MSI1: variants seen among roughly 807,000 people sequenced by gnomAD.
MSI1 encodes the protein musashi RNA binding protein 1.
A neutral mutation model predicts 54.4 loss-of-function variants in MSI1; 15 were observed. The ratio of observed to expected loss-of-function variants is 0.28; its 90% CI spans 0.18 to 0.42. The LOEUF is 0.42. MSI1 is among the 20% of genes least tolerant of loss of function. MSI1 has a pLI of 1.00. For synonymous variants in MSI1, 200 were observed against 196.5 expected, an observed-to-expected ratio of 1.02 and a Z score of -0.15; for missense variants, 304 against 506.0, an observed-to-expected ratio of 0.60 and a Z score of 3.83.
chr12:120,358,143 A>C (rs1161408623), intron 7 of MSI1, among the ~76,000 whole-genome samples: 1 of 152,260 alleles, frequency 6.6e-6, no homozygotes, highest in African/African-American at 2.4e-5. Flanking sequence ...ACAGCAAGTT[A>C]GAAAGTGGTA....
At chr12:120,353,258 A>G in intron 10 of MSI1, 41 bp downstream of exon 10, 1 of 1,582,506 alleles carries the variant, frequency 6.3e-7, no homozygotes, top group Non-Finnish European at 8.7e-7. Flanking sequence ...CCCGGGAACC[A>G]GGGGCATGCT....
intron 11 of MSI1, among the ~76,000 whole-genome samples, chr12:120,349,041 A>G (rs1429905404): frequency 6.6e-6 from 1 of 151,276 alleles, no homozygotes; most frequent in Admixed American, 6.6e-5. Flanking sequence ...ACCCAGCCCA[A>G]AAATATCTTA....
rs1468724319 is a variant in MSI1, at chr12:120,345,643, A to G, written c.1048-11T>C. Reference sequence around the variant, plus strand: ...GGCAATCAAAGGGCCCTGAAAAGGAAAGAATTTGACTCCTAGATTCCTGGG... The same window carrying G: ...GGCAATCAAAGGGCCCTGAAAAGGAGAGAATTTGACTCCTAGATTCCTGGG... On this transcript the variant is annotated splice_polypyrimidine_tract_variant and intron_variant, in intron 13 of 14. Transcript: ENST00000257552. 6.2e-7 allele frequency: 1 copy of G among 1,613,972 alleles called. No homozygotes were observed. Among genetic ancestry groups the G allele is most frequent in the Admixed American group, 1.7e-5 (1 of 59,992 alleles).
intron 11 of MSI1, among the ~76,000 whole-genome samples, chr12:120,350,152 G>T (rs1874472779): frequency 6.6e-6 from 1 of 152,074 alleles, no homozygotes; most frequent in Non-Finnish European, 1.5e-5. Flanking sequence ...CTCCCAAGTA[G>T]CTGGGACTAC....
At position 120,368,380 on chromosome 12, in the gene MSI1, A is replaced by T. The variant is rs1876159817; in HGVS notation, c.101-107T>A. The T allele has an allele frequency of 1.7e-6, 2 of 1,207,794 alleles. No individual in the cohort carries two copies. Among genetic ancestry groups the T allele is most frequent in the South Asian group, 3.0e-5 (2 of 65,896 alleles). The allele number at this position is 1,207,794 out of a possible 1,614,324, so 74.8% of individuals were successfully genotyped here. ...GAGCGGCCCGGCCGCCCCCGCGCCA[A>T]GCTGCCCGCGCGTTCTCCACTGCCG... On this transcript the variant is annotated intron_variant, in intron 2 of 14. Transcript: ENST00000257552. This position sits in a 1 kb window ranked among gnomAD's most constrained non-coding sequence, Gnocchi z 6.6.
intron 10 of MSI1, among the ~76,000 whole-genome samples, chr12:120,352,576 A>G (rs1048568099): frequency 1.3e-5 from 2 of 151,820 alleles, no homozygotes; most frequent in African/African-American, 2.4e-5. Context: ...GATTATTGAG[A>G]GAATTAGGCA....
chr12:120,352,444 G>A (rs1420274302), intron 10 of MSI1, among the ~76,000 whole-genome samples: 8 of 152,030 alleles, frequency 5.3e-5, no homozygotes, highest in African/African-American at 1.7e-4. Context: ...GGTAGAATAG[G>A]TCAGGCTTGG....
At chr12:120,343,767 A>T (rs1045805312) in intron 14 of MSI1, among the ~76,000 whole-genome samples, 2 of 152,180 alleles carry the variant, frequency 1.3e-5, no homozygotes, top group African/African-American at 4.8e-5. Context: ...TGAATGGGTG[A>T]ATGAACAGAA....
At position 120,369,100 on chromosome 12, in the gene MSI1, G is replaced by C. The variant is rs1353182829; in HGVS notation, c.-9C>G. ...GGCGCGTCAGTCTCCATCGGGAGCCGCGGGCGGCGCGGGCAGCGGAGCGGC... is the reference window on the plus strand; with the variant it reads ...GGCGCGTCAGTCTCCATCGGGAGCCCCGGGCGGCGCGGGCAGCGGAGCGGC... On this transcript the variant is annotated 5_prime_UTR_variant, in exon 1 of 15. Transcript: ENST00000257552. The C allele has an allele frequency of 2.0e-6, 2 of 1,010,904 alleles. No individual in the cohort carries two copies. The highest frequency in any genetic ancestry group is 2.3e-6 in the Non-Finnish European group (2 of 851,430). The allele number at this position is 1,010,904 out of a possible 1,614,324, so 62.6% of individuals were successfully genotyped here.
chr12:120,368,157 G>A lies in MSI1; in HGVS notation c.182+35C>T, dbSNP rs757129851. 1.3e-6 allele frequency: 2 copies of A among 1,580,524 alleles called. No homozygotes were observed. Among genetic ancestry groups the A allele is most frequent in the Non-Finnish European group, 1.7e-6 (2 of 1,162,616 alleles). ...CAGTGAGTGGCGGGTGGAGGGGGGC[G>A]AGCCGGGAGCAGGAGGAGGGGGTGA... On this transcript the variant is annotated intron_variant, in intron 3 of 14. Coordinates refer to ENST00000257552, the MANE Select transcript of MSI1 (RefSeq NM_002442.4). The surrounding 1 kb of genome is among the most constrained non-coding windows in gnomAD (Gnocchi z 6.6).
At chr12:120,351,631 C>T (rs1306750427) in intron 10 of MSI1, among the ~76,000 whole-genome samples, 4 of 151,678 alleles carry the variant, frequency 2.6e-5, no homozygotes, top group African/African-American at 4.8e-5. Flanking sequence ...ACCCTGGGCA[C>T]GGGGCAGGGC....
chr12:120,340,953 T>C (rs1873647242), downstream of MSI1, among the ~76,000 whole-genome samples: 1 of 147,018 alleles, frequency 6.8e-6, no homozygotes, highest in Admixed American at 7.0e-5. Flanking sequence ...TGGCATGATC[T>C]CAGCTCACCG....
rs898017332 is a variant in MSI1 at position 120,341,396 on chromosome 12, T to C, written c.*1731A>G. 1.3e-5 allele frequency: 2 copies of C among 151,796 alleles called. No homozygotes were observed. The highest frequency in any genetic ancestry group is 6.6e-5 in the Admixed American group (1 of 15,162). 9.4% of individuals were successfully genotyped at this position (151,796 alleles called of 1,614,324 possible). On this transcript the variant is annotated 3_prime_UTR_variant, in exon 15 of 15. Transcript: ENST00000257552. Reference sequence around the variant, plus strand: ...AAAACCTGGAAAAAGAAGTTACAGATGTGGAGAGAAGAGACACCGGAGGAT... The same window carrying C: ...AAAACCTGGAAAAAGAAGTTACAGACGTGGAGAGAAGAGACACCGGAGGAT...
rs982000106 is a variant in MSI1, at chr12:120,364,850, A to G, written c.268-95T>C. ...CAGCCCTCAGGACCTCTCTCCTCCC[A>G]GGACACAAAGGTGACAGAAATCACA... On this transcript the variant is annotated intron_variant, in intron 4 of 14. Coordinates refer to ENST00000257552, the MANE Select transcript of MSI1 (RefSeq NM_002442.4). The G allele has an allele frequency of 8.4e-5, 88 of 1,042,332 alleles. No homozygotes were observed. In the African/African-American group the frequency reaches 1.4e-3, roughly 16 times the overall value. 64.6% of individuals were successfully genotyped at this position (1,042,332 alleles called of 1,614,324 possible).
intron 10 of MSI1, among the ~76,000 whole-genome samples, chr12:120,352,269 A>C (rs995647676): frequency 6.6e-6 from 1 of 152,114 alleles, no homozygotes; most frequent in East Asian, 1.9e-4. Flanking sequence ...AGGCTCTTAA[A>C]GTGCTGGGAT....
Position 120,356,942 on chromosome 12 carries a change from G to A in MSI1, c.612C>T (p.Pro204=). 1 of 1,614,216 alleles carries A rather than the reference G, an allele frequency of 6.2e-7. No homozygotes were observed. The highest frequency in any genetic ancestry group is 8.5e-7 in the Non-Finnish European group (1 of 1,180,044). The change falls in exon 9 of 15, where the codon CCC becomes CCT. Residue 204 remains proline, a synonymous_variant. Coordinates refer to ENST00000257552, the MANE Select transcript of MSI1 (RefSeq NM_002442.4). ...GSARGRSRVM[P]YGMDAFMLGI... is the part of the protein sequence containing the mutation. Reference sequence around the variant, plus strand: ...CCAGCATGAAGGCGTCCATTCCGTAGGGCATGACTCGAGACCTCCCCCGGG... The same window carrying A: ...CCAGCATGAAGGCGTCCATTCCGTAAGGCATGACTCGAGACCTCCCCCGGG...
rs1309529394 is a variant in MSI1, at chr12:120,369,019, G to C, written c.59+14C>G. 8.1e-5 allele frequency: 85 copies of C among 1,055,644 alleles called. No homozygotes were observed. Among genetic ancestry groups the C allele is most frequent in the Non-Finnish European group, 9.4e-5 (82 of 876,160 alleles). 65.4% of individuals were successfully genotyped at this position (1,055,644 alleles called of 1,614,324 possible). A position where few individuals can be genotyped will look rare whatever the true frequency, so the allele number is the denominator to read the frequency against. On this transcript the variant is annotated intron_variant, in intron 1 of 14. Transcript: ENST00000257552. ...GGGGCGGGCGCGGGCCAAGCAGGCC[G>C]GGCCGGGCCGTACCAGGGGTCGTGC...
chr12:120,346,821 G>T (rs139128384), intron 12 of MSI1, among the ~76,000 whole-genome samples: 2 of 152,266 alleles, frequency 1.3e-5, no homozygotes, highest in African/African-American at 4.8e-5. Flanking sequence ...AGAGGCCCCA[G>T]CTGGGAGCTC....
chr12:120,347,939 C>T lies in MSI1; in HGVS notation c.791-425G>A, dbSNP rs545610638. 5.3e-5 allele frequency among the ~76,000 whole-genome samples: 8 copies of T among 152,332 alleles called. No individual in the cohort carries two copies. The South Asian group carries it at 6.2e-4, about 12-fold the overall frequency. Reference sequence around the variant, plus strand: ...AGCTCACGTCCTTCTTCGCAGCCCACGACACCTGGCGATAGACAGACATGG... The same window carrying T: ...AGCTCACGTCCTTCTTCGCAGCCCATGACACCTGGCGATAGACAGACATGG... On this transcript the variant is annotated intron_variant, in intron 11 of 14. Coordinates refer to ENST00000257552, the MANE Select transcript of MSI1 (RefSeq NM_002442.4).
Sources: allele counts gnomAD v4.1 joint callset (sites outside exome capture counted in the v4.1 genomes callset), GRCh38; gene constraint gnomAD v4.1.1; non-coding constraint Gnocchi (gnomAD v3.1); transcripts MANE v1.5; gene names NCBI Gene and HGNC (gene_info 2026-07-23, HGNC 2026-07-21).